The following ROCK2 variants were observed in gnomAD, a reference collection of about 807,000 sequenced individuals.
The protein encoded by ROCK2 is Rho associated coiled-coil containing protein kinase 2.
Under a neutral mutation model 195.1 loss-of-function variants are expected in ROCK2, and 61 were observed. That is an observed-to-expected ratio of 0.31 (90% CI 0.25 to 0.39). The LOEUF (loss-of-function observed/expected upper bound fraction) is 0.39, where lower values mean the gene tolerates loss of function less well. Ranked by LOEUF, ROCK2 falls within the 10% of genes least tolerant of loss-of-function variation. The pLI, the probability that ROCK2 is intolerant of heterozygous loss-of-function variation, is 1.00. For synonymous variants in ROCK2, 504 were observed against 545.5 expected (o/e 0.92, Z 1.06); for missense variants, 1,109 against 1,637.4 (o/e 0.68, Z 5.57).
In ROCK2 at chr2:11,216,188, T is replaced by C. The variant is rs1664420291; in HGVS notation, c.1431A>G (p.Leu477=). The C allele has an allele frequency of 1.2e-6, 2 of 1,612,234 alleles. No homozygotes were observed. Among genetic ancestry groups the C allele is most frequent in the East Asian group, 4.5e-5 (2 of 44,798 alleles). ...CTTCTAGCTCCTTTGCTGTTTTTTC[T>C]AGGCGAGTATTAACAGATCTAAAGA... ...EQKCKSVNTR[L]EKTAKELEEE... is the part of the protein sequence containing the mutation. The change falls in exon 13 of 33, where the codon CTA becomes CTG. Residue 477 remains leucine (L), a synonymous_variant. Transcript: ENST00000315872.
At chr2:11,190,786 G>T (rs918969085) in intron 32 of ROCK2, among the ~76,000 whole-genome samples, 9 of 152,004 alleles carry the variant, frequency 5.9e-5, no homozygotes, top group African/African-American at 2.2e-4. Flanking sequence ...ACACTATAAG[G>T]TATTAAAATA....
chr2:11,202,206 T>G, intron 20 of ROCK2, 85 bp from the exon 21 acceptor site: 1 of 1,056,964 alleles, frequency 9.5e-7, no homozygotes, highest in Non-Finnish European at 1.5e-6. Flanking sequence ...GGGGAAGCCC[T>G]GGGAGTCTCT....
chr2:11,214,132 T>C (rs901904695), intron 17 of ROCK2, among the ~76,000 whole-genome samples: 2 of 152,306 alleles, frequency 1.3e-5, no homozygotes, highest in South Asian at 4.1e-4. Context: ...CACTCCAGGA[T>C]GGGTCCCCTT....
At chr2:11,210,577 G>C (rs1328840865) in intron 18 of ROCK2, among the ~76,000 whole-genome samples, 2 of 152,194 alleles carry the variant, frequency 1.3e-5, no homozygotes, top group Non-Finnish European at 2.9e-5. Flanking sequence ...CTGGGCTCAA[G>C]AGATCCTCCC....
intron 4 of ROCK2, among the ~76,000 whole-genome samples, chr2:11,248,107 C>T (rs1665683128): frequency 6.6e-6 from 1 of 151,102 alleles, no homozygotes; most frequent in Non-Finnish European, 1.5e-5. Flanking sequence ...TATTCACTGC[C>T]TACAATTTAA....
rs552051170 is a variant in ROCK2 at position 11,263,339 on chromosome 2, G to A, written c.325-13541C>T. 4.4e-4 allele frequency among the ~76,000 whole-genome samples: 67 copies of A among 152,222 alleles called. No individual in the cohort carries two copies. The East Asian group carries it at 0.013, about 29-fold the overall frequency. On this transcript the variant is annotated intron_variant, in intron 3 of 32. Coordinates refer to ENST00000315872, the MANE Select transcript of ROCK2 (RefSeq NM_004850.5). Reference sequence around the variant, plus strand: ...TTCTGTGCTATACAGCATACTGAAAGACAAGAAAAATCTAACTCCAGATAT... The same window carrying A: ...TTCTGTGCTATACAGCATACTGAAAAACAAGAAAAATCTAACTCCAGATAT...
chr2:11,344,177 G>T lies in ROCK2; in HGVS notation c.-41C>A. On this transcript the variant is annotated 5_prime_UTR_variant, in exon 1 of 33. It adds an upstream start codon to the 5' untranslated region. Coordinates refer to ENST00000315872, the MANE Select transcript of ROCK2 (RefSeq NM_004850.5). The surrounding 1 kb of genome is among the most constrained non-coding windows in gnomAD (Gnocchi z 5.4). Reference sequence around the variant, plus strand: ...CCCGCACTCAGGCTCCTCGCGCTCAGGTCCCGCAGCCTCGGGGCCTAGCAC... The same window carrying T: ...CCCGCACTCAGGCTCCTCGCGCTCATGTCCCGCAGCCTCGGGGCCTAGCAC... 1 of 1,388,590 alleles carries T rather than the reference G, an allele frequency of 7.2e-7. No individual in the cohort carries two copies. The allele number at this position is 1,388,590 out of a possible 1,614,324, so 86.0% of individuals were successfully genotyped here.
Position 11,307,919 on chromosome 2 carries a change from G to A in ROCK2, c.142-20183C>T, listed in dbSNP as rs567893440. ...GGTGGGTGGCGGTGGTGGCCGTAGC[G>A]GTCCTCCTGGCCCTGTTAATGTCAG... On this transcript the variant is annotated intron_variant, in intron 1 of 32. Coordinates refer to ENST00000315872, the MANE Select transcript of ROCK2 (RefSeq NM_004850.5). The A allele has an allele frequency of 2.7e-5, 37 of 1,345,530 alleles. No individual in the cohort carries two copies. In the East Asian group the frequency reaches 4.5e-4, roughly 16 times the overall value. The allele number at this position is 1,345,530 out of a possible 1,614,324, so 83.3% of individuals were successfully genotyped here.
chr2:11,219,336 C>CAAAAAA (rs35159426), intron 9 of ROCK2, among the ~76,000 whole-genome samples: 2,648 of 67,310 alleles, frequency 0.039, 229 homozygotes, highest in Non-Finnish European at 0.044. Flanking sequence ...CTTATCTCTA[C>CAAAAAA]AAAAAAAAAA....
chr2:11,209,523 C>T (rs1341782125), intron 18 of ROCK2, among the ~76,000 whole-genome samples: 1 of 152,196 alleles, frequency 6.6e-6, no homozygotes, highest in African/African-American at 2.4e-5. Flanking sequence ...AGTATCCTAA[C>T]TCATAGGATT....
intron 1 of ROCK2, among the ~76,000 whole-genome samples, chr2:11,328,229 A>G (rs941951250): frequency 1.3e-5 from 2 of 152,246 alleles, no homozygotes; most frequent in African/African-American, 4.8e-5. Flanking sequence ...AATTAAGAAC[A>G]CAAAAATGCC....
intron 3 of ROCK2, among the ~76,000 whole-genome samples, chr2:11,265,886 G>A (rs916123744): frequency 2.0e-5 from 3 of 151,486 alleles, no homozygotes; most frequent in Non-Finnish European, 2.9e-5. Flanking sequence ...CTTGAGGCCA[G>A]GAGTTAGAGA....
At chr2:11,314,760 T>C (rs188108846) in intron 1 of ROCK2, among the ~76,000 whole-genome samples, 2 of 152,134 alleles carry the variant, frequency 1.3e-5, no homozygotes, top group Admixed American at 6.5e-5. Flanking sequence ...CAGGCAAATA[T>C]GATGCTTAAA....
At chr2:11,206,272 A>ATAACAGAAC (rs1181691764) in intron 20 of ROCK2, among the ~76,000 whole-genome samples, 2 of 152,318 alleles carry the variant, frequency 1.3e-5, no homozygotes, top group Non-Finnish European at 2.9e-5. Flanking sequence ...GGACTAAGAA[A>ATAACAGAAC]TAACAGAACG....
intron 4 of ROCK2, among the ~76,000 whole-genome samples, chr2:11,242,220 A>T (rs1451587010): frequency 6.6e-6 from 1 of 152,220 alleles, no homozygotes; most frequent in Non-Finnish European, 1.5e-5. Flanking sequence ...AATAAAAGTC[A>T]GAAAGGTAAC....
At chr2:11,268,510 AAC>A (rs1235129709) in intron 3 of ROCK2, among the ~76,000 whole-genome samples, 4 of 92,508 alleles carry the variant, frequency 4.3e-5, no homozygotes, top group Admixed American at 1.2e-4. Context: ...GTGTGTATTT[AAC>A]AGTTTTGCAC....
chr2:11,340,250 T>A (rs1669061175), intron 1 of ROCK2, among the ~76,000 whole-genome samples: 1 of 152,198 alleles, frequency 6.6e-6, no homozygotes, highest in South Asian at 2.1e-4. Context: ...TACATTCATA[T>A]TCCTCCAGCA....
intron 10 of ROCK2, 122 bp from the exon 11 acceptor site, chr2:11,218,588 G>T: frequency 1.5e-6 from 1 of 653,412 alleles, no homozygotes; most frequent in African/African-American, 1.8e-5. Context: ...TCATAAGTTT[G>T]AAGAAAAAAT....
chr2:11,197,584 C>T lies in ROCK2; in HGVS notation c.3221G>A (p.Arg1074His), dbSNP rs1663687806. Residue 1074 changes from arginine (R) to histidine (H), a missense_variant, in exon 26 of 33, where the codon CGT becomes CAT. By Grantham distance (29) the Arg-to-His change is conservative (BLOSUM62 0). Around this residue, in one of 6 missense-constraint regions of ROCK2, gnomAD observed 29 missense variants for 75.0 expected, o/e 0.39. Coordinates refer to ENST00000315872, the MANE Select transcript of ROCK2 (RefSeq NM_004850.5). The surrounding 1 kb of genome is among the most constrained non-coding windows in gnomAD (Gnocchi z 4.9). ...GATCATCTGCTGGGTCAATTTCTCA[C>T]GTTCAGATTTAAGCTCCATATGTAG... ...RKLHMELKSEREKLTQQMIKY... is the reference protein window; with the variant it reads ...RKLHMELKSEHEKLTQQMIKY... 1 of 1,613,774 alleles carries T rather than the reference C, an allele frequency of 6.2e-7. No individual in the cohort carries two copies. Among genetic ancestry groups the T allele is most frequent in the Non-Finnish European group, 8.5e-7 (1 of 1,179,872 alleles).
Sources: gnomAD v4.1 joint callset for allele counts (sites outside exome capture counted in the v4.1 genomes callset) on GRCh38, gnomAD v4.1.1 for gene constraint, gnomAD v4.1.1 regional missense constraint, Gnocchi (gnomAD v3.1) non-coding constraint, MANE v1.5 for transcripts, NCBI Gene and HGNC (gene_info 2026-07-23, HGNC 2026-07-21) for gene names.